The following NUP93 variants were observed in gnomAD, a reference collection of about 807,000 sequenced individuals.
The protein encoded by NUP93 is nuclear pore complex protein Nup93.
A neutral mutation model predicts 107.8 loss-of-function variants in NUP93; 55 were observed. The observed-to-expected ratio is 0.51, with a 90% CI of 0.41 to 0.64. NUP93 has a LOEUF of 0.64. Among genes scored for constraint, NUP93 ranks in the 30% least tolerant of loss-of-function variants. NUP93 has a pLI of 0.00. For missense variants in NUP93, 937 were observed against 1,044.7 expected (o/e 0.90, Z 1.42); for synonymous variants, 390 against 397.5 (o/e 0.98, Z 0.22).
At chr16:56,738,359 T>C (rs1961645750) in intron 1 of NUP93, among the ~76,000 whole-genome samples, 1 of 152,222 alleles carries the variant, frequency 6.6e-6, no homozygotes, top group South Asian at 2.1e-4. Flanking sequence ...ATTACTTCTC[T>C]TTGCTCATTG....
chr16:56,841,583 C>T (rs1964025740), intron 20 of NUP93, 122 bp from the exon 21 acceptor site: 1 of 1,236,762 alleles, frequency 8.1e-7, no homozygotes. Flanking sequence ...TGTGGCTCTC[C>T]ACCTGGCAAT....
At chr16:56,747,506 C>T (rs2144454894) in intron 1 of NUP93, among the ~76,000 whole-genome samples, 1 of 151,304 alleles carries the variant, frequency 6.6e-6, no homozygotes, top group Non-Finnish European at 1.5e-5. Context: ...CTCTCATTAA[C>T]CTTGTAAGAT....
chr16:56,797,704 C>T (rs1385940831), intron 3 of NUP93, among the ~76,000 whole-genome samples: 2 of 152,164 alleles, frequency 1.3e-5, no homozygotes, highest in Non-Finnish European at 2.9e-5. Context: ...GGGTCAATAA[C>T]TTGATTACAT....
intron 13 of NUP93, 75 bp downstream of exon 13, chr16:56,833,481 C>A: frequency 8.2e-7 from 1 of 1,220,790 alleles, no homozygotes; most frequent in Non-Finnish European, 1.1e-6. Context: ...GCCACAAAAC[C>A]ACAACCAATA....
intron 1 of NUP93, among the ~76,000 whole-genome samples, chr16:56,733,517 T>C (rs550173216): frequency 2.0e-5 from 3 of 152,260 alleles, no homozygotes; most frequent in African/African-American, 4.8e-5. Context: ...TGTGTGCTAA[T>C]TGTTTTACGA....
intron 5 of NUP93, among the ~76,000 whole-genome samples, chr16:56,818,160 G>C (rs1963472076): frequency 6.6e-6 from 1 of 152,166 alleles, no homozygotes; most frequent in Admixed American, 6.5e-5. Flanking sequence ...CACATCTTCA[G>C]ATAACAGAAA....
chr16:56,782,089 A>C, intron 3 of NUP93: 1 of 985,154 alleles, frequency 1.0e-6, no homozygotes, highest in Non-Finnish European at 1.2e-6. Context: ...CAATTCAGGC[A>C]GTTTGGGGTG....
intron 3 of NUP93, among the ~76,000 whole-genome samples, chr16:56,763,983 T>C (rs1962175028): frequency 6.6e-6 from 1 of 152,134 alleles, no homozygotes; most frequent in South Asian, 2.1e-4. Context: ...ATAAAAAAAT[T>C]AGTGTTAGGG....
chr16:56,777,967 G>A (rs1260452335), intron 3 of NUP93, among the ~76,000 whole-genome samples: 4 of 152,190 alleles, frequency 2.6e-5, no homozygotes, highest in Non-Finnish European at 4.4e-5. Context: ...TTCAGTGCCC[G>A]TTAAGGACAG....
At chr16:56,822,266 C>T (rs1166663818) in intron 7 of NUP93, among the ~76,000 whole-genome samples, 1 of 151,800 alleles carries the variant, frequency 6.6e-6, no homozygotes, top group African/African-American at 2.4e-5. Context: ...AACCCTAGCA[C>T]GTTTTGAGGC....
At position 56,846,996 on chromosome 16, in the gene NUP93, A is replaced by T. The variant is rs1235166676; in HGVS notation, c.*2387A>T. 1 of 151,980 alleles carries T rather than the reference A, an allele frequency of 6.6e-6. No homozygotes were observed. Among genetic ancestry groups the T allele is most frequent in the Non-Finnish European group, 1.5e-5 (1 of 67,974 alleles). 9.4% of individuals were successfully genotyped at this position (151,980 alleles called of 1,614,324 possible). A position where few individuals can be genotyped will look rare whatever the true frequency, so the allele number is the denominator to read the frequency against. Reference sequence around the variant, plus strand: ...GTTCTTTGACCTGTAGATGGGTCCTAAAATGAGAAGGGAGAGAAGCAGCCA... The same window carrying T: ...GTTCTTTGACCTGTAGATGGGTCCTTAAATGAGAAGGGAGAGAAGCAGCCA... On this transcript the variant is annotated 3_prime_UTR_variant, in exon 22 of 22. Coordinates refer to ENST00000308159, the MANE Select transcript of NUP93 (RefSeq NM_014669.5).
Position 56,823,854 on chromosome 16 carries a change from AG to A in NUP93, c.794+9del, listed in dbSNP as rs775998768. 1 of 1,613,110 alleles carries A rather than the reference AG, an allele frequency of 6.2e-7. No individual in the cohort carries two copies. Among genetic ancestry groups the A allele is most frequent in the South Asian group, 1.1e-5 (1 of 91,056 alleles). On this transcript the variant is annotated intron_variant, in intron 8 of 21. Coordinates refer to ENST00000308159, the MANE Select transcript of NUP93 (RefSeq NM_014669.5). ...GGCGTACCTTGAGCAGAGGTAAGGC[AG>A]CAGTAGCACAGTGGGGCTGGCTTTC... is the stretch of plus-strand genomic sequence containing the variant.
At chr16:56,787,440 C>A (rs1446155804) in intron 3 of NUP93, among the ~76,000 whole-genome samples, 1 of 152,224 alleles carries the variant, frequency 6.6e-6, no homozygotes, top group Non-Finnish European at 1.5e-5. Context: ...CTAAGTAGAA[C>A]TCGAGGCTTA....
chr16:56,798,597 GT>G (rs2144557768), intron 4 of NUP93, 59 bp downstream of exon 4: 3 of 1,368,870 alleles, frequency 2.2e-6, no homozygotes, highest in Non-Finnish European at 3.1e-6. Context: ...GCTGGGCGTG[GT>G]GGCTCACATC....
chr16:56,833,452 C>A (rs1276821273), intron 13 of NUP93, 46 bp downstream of exon 13: 6 of 1,447,762 alleles, frequency 4.1e-6, no homozygotes, highest in East Asian at 5.3e-5. Context: ...CACAGCACGT[C>A]CCCCTTGGGG....
chr16:56,798,183 G>A (rs1962941190), intron 3 of NUP93, among the ~76,000 whole-genome samples: 1 of 152,186 alleles, frequency 6.6e-6, no homozygotes, highest in Non-Finnish European at 1.5e-5. Flanking sequence ...GAGCCATTTA[G>A]GAATTTTGAA....
intron 5 of NUP93, among the ~76,000 whole-genome samples, chr16:56,809,084 A>G (rs1371687309): frequency 2.0e-5 from 3 of 151,828 alleles, no homozygotes; most frequent in Non-Finnish European, 2.9e-5. Context: ...TTTTCCCTTC[A>G]TGTATCCCAG....
At position 56,753,776 on chromosome 16, in the gene NUP93, A is replaced by G. The variant is rs369966289; in HGVS notation, c.180-4762A>G. Among the ~76,000 whole-genome samples the G allele has an allele frequency of 9.2e-5, 14 of 152,368 alleles. No individual in the cohort carries two copies. The South Asian group carries it at 2.7e-3, about 29-fold the overall frequency. On this transcript the variant is annotated intron_variant, in intron 2 of 21. Transcript: ENST00000308159. ...GATTTAGGAGGCATATTAATCATCC[A>G]CAAGTAGAGACTTTATTTGGATTTC...
chr16:56,814,971 T>C (rs900122951), intron 5 of NUP93, among the ~76,000 whole-genome samples: 1 of 152,204 alleles, frequency 6.6e-6, no homozygotes, highest in African/African-American at 2.4e-5. Context: ...ACACATCCTC[T>C]TGTGGATAAT....
Sources: allele counts gnomAD v4.1 joint callset (sites outside exome capture counted in the v4.1 genomes callset), GRCh38; gene constraint gnomAD v4.1.1; transcripts MANE v1.5; gene names NCBI Gene and HGNC (gene_info 2026-07-23, HGNC 2026-07-21).